The following COL24A1 variants were observed in gnomAD, a reference collection of about 807,000 sequenced individuals.
COL24A1 encodes the protein collagen type XXIV alpha 1 chain.
A neutral mutation model predicts 253.9 loss-of-function variants in COL24A1; 224 were observed. That is an observed-to-expected ratio of 0.88 (90% CI 0.79 to 0.99). The LOEUF (loss-of-function observed/expected upper bound fraction) is 0.99, where lower values mean the gene tolerates loss of function less well. COL24A1 is among the 50% of genes least tolerant of loss of function. The pLI is 0.00. For missense variants in COL24A1, 2,131 were observed against 2,068.5 expected (o/e 1.03, Z -0.59); for synonymous variants, 685 against 673.7 (o/e 1.02, Z -0.26).
At chr1:86,094,060 C>T (rs1703714343) in intron 5 of COL24A1, among the ~76,000 whole-genome samples, 2 of 152,044 alleles carry the variant, frequency 1.3e-5, no homozygotes, top group South Asian at 4.1e-4. Context: ...ATCAGTTCAC[C>T]CATTGCGGAA....
intron 19 of COL24A1, among the ~76,000 whole-genome samples, chr1:86,000,639 A>T (rs569262974): frequency 1.3e-5 from 2 of 152,216 alleles, no homozygotes; most frequent in Non-Finnish European, 2.9e-5. Flanking sequence ...GTTTAAAAGC[A>T]TGCTTTTACT....
chr1:86,020,220 A>G (rs1697397258), intron 18 of COL24A1, among the ~76,000 whole-genome samples: 1 of 151,876 alleles, frequency 6.6e-6, no homozygotes, highest in Non-Finnish European at 1.5e-5. Context: ...GGTGCCTGCC[A>G]CTATGCCTGG....
intron 12 of COL24A1, among the ~76,000 whole-genome samples, chr1:86,041,497 C>G (rs1177793158): frequency 6.6e-6 from 1 of 152,030 alleles, no homozygotes; most frequent in Non-Finnish European, 1.5e-5. Context: ...GCTGAGAGCT[C>G]TGTAAATGCT....
At chr1:85,823,396 CTACT>C in intron 45 of COL24A1, 136 bp downstream of exon 45, 1 of 713,648 alleles carries the variant, frequency 1.4e-6, no homozygotes, top group Non-Finnish European at 2.3e-6. Context: ...GAAAAACACC[CTACT>C]TAGAGGCCCA....
At chr1:85,747,867 T>C (rs1216247900) in intron 55 of COL24A1, among the ~76,000 whole-genome samples, 1 of 152,212 alleles carries the variant, frequency 6.6e-6, no homozygotes, top group Non-Finnish European at 1.5e-5. Flanking sequence ...TAAAATCCAT[T>C]GGTCTGTTTT....
At chr1:86,127,895 T>C (rs1648564639) in intron 2 of COL24A1, among the ~76,000 whole-genome samples, 1 of 151,926 alleles carries the variant, frequency 6.6e-6, no homozygotes, top group African/African-American at 2.4e-5. Flanking sequence ...AAATGTTTTT[T>C]AACAGAGATC....
At chr1:85,820,378 T>C (rs1470088151) in intron 45 of COL24A1, among the ~76,000 whole-genome samples, 1 of 152,170 alleles carries the variant, frequency 6.6e-6, no homozygotes, top group Non-Finnish European at 1.5e-5. Context: ...ATGTTATTTA[T>C]ATGTGGCCAA....
At chr1:85,874,198 T>C (rs1680875237) in intron 35 of COL24A1, among the ~76,000 whole-genome samples, 1 of 152,218 alleles carries the variant, frequency 6.6e-6, no homozygotes, top group African/African-American at 2.4e-5. Flanking sequence ...AGCTATCTAA[T>C]TGCAACAATT....
chr1:85,830,617 T>A (rs1004422473), intron 43 of COL24A1, among the ~76,000 whole-genome samples: 11 of 152,074 alleles, frequency 7.2e-5, no homozygotes, highest in Non-Finnish European at 1.6e-4. Context: ...CGGGATATAA[T>A]CTCCTGGTGT....
chr1:85,839,935 G>A (rs1385613343), intron 42 of COL24A1, among the ~76,000 whole-genome samples: 2 of 152,022 alleles, frequency 1.3e-5, no homozygotes, highest in Non-Finnish European at 2.9e-5. Flanking sequence ...CCTACCATCT[G>A]AACAAAAACT....
chr1:85,829,020 G>C (rs1674804655), intron 43 of COL24A1, among the ~76,000 whole-genome samples: 1 of 152,126 alleles, frequency 6.6e-6, no homozygotes, highest in African/African-American at 2.4e-5. Flanking sequence ...TCCTAGTCTT[G>C]ATGGTCTTTA....
Position 85,874,707 on chromosome 1 carries a change from A to C in COL24A1, c.3085-5T>G. ...GCCAGCAGTTCCAACATCTCCCTGAAGAAACAAAGGGAAAGATTAAACTCT... is the reference window on the plus strand; with the variant it reads ...GCCAGCAGTTCCAACATCTCCCTGACGAAACAAAGGGAAAGATTAAACTCT... On this transcript the variant is annotated splice_region_variant and splice_polypyrimidine_tract_variant and intron_variant, in intron 34 of 59. Transcript: ENST00000370571. The C allele has an allele frequency of 1.2e-6, 2 of 1,612,148 alleles. No individual in the cohort carries two copies. The highest frequency in any genetic ancestry group is 1.7e-6 in the Non-Finnish European group (2 of 1,179,820).
intron 47 of COL24A1, among the ~76,000 whole-genome samples, chr1:85,808,554 C>T (rs1482956778): frequency 6.6e-6 from 1 of 152,168 alleles, no homozygotes; most frequent in Admixed American, 6.5e-5. Context: ...TATGTCAACT[C>T]AATTTGCTTC....
intron 24 of COL24A1, among the ~76,000 whole-genome samples, chr1:85,921,628 C>T (rs995072673): frequency 1.3e-5 from 2 of 152,144 alleles, no homozygotes; most frequent in African/African-American, 4.8e-5. Flanking sequence ...GCATCAACAT[C>T]AACGAAAAGG....
intron 47 of COL24A1, among the ~76,000 whole-genome samples, chr1:85,788,513 T>G (rs1174749379): frequency 6.6e-6 from 1 of 152,162 alleles, no homozygotes; most frequent in South Asian, 2.1e-4. Context: ...ATTCTGTGGG[T>G]TGTCTGTTTG....
At chr1:85,832,017 A>G (rs1675354808) in intron 43 of COL24A1, among the ~76,000 whole-genome samples, 1 of 151,988 alleles carries the variant, frequency 6.6e-6, no homozygotes, top group Admixed American at 6.6e-5. Flanking sequence ...TATGTCCTGA[A>G]TGGTATTGCC....
intron 10 of COL24A1, among the ~76,000 whole-genome samples, chr1:86,052,664 T>G (rs1195025391): frequency 6.6e-6 from 1 of 152,038 alleles, no homozygotes; most frequent in Non-Finnish European, 1.5e-5. Context: ...GTGGCAATGG[T>G]TGTACAACAA....
chr1:85,949,129 A>G (rs1405757802), intron 24 of COL24A1, among the ~76,000 whole-genome samples: 1 of 152,122 alleles, frequency 6.6e-6, no homozygotes, highest in Non-Finnish European at 1.5e-5. Context: ...TATTATTCTA[A>G]GATATTTTGT....
intron 32 of COL24A1, among the ~76,000 whole-genome samples, chr1:85,885,397 A>ATATATATTT (rs60994639): frequency 1.0e-4 from 13 of 128,900 alleles, no homozygotes; most frequent in African/African-American, 2.0e-4. Flanking sequence ...ATATATATAT[A>ATATATATTT]TTTTTTTTTT....
Sources: gnomAD v4.1 joint callset for allele counts (sites outside exome capture counted in the v4.1 genomes callset) on GRCh38, gnomAD v4.1.1 for gene constraint, MANE v1.5 for transcripts, NCBI Gene and HGNC (gene_info 2026-07-23, HGNC 2026-07-21) for gene names.